TRPM7: variants seen among roughly 807,000 people sequenced by gnomAD.
The protein encoded by TRPM7 is transient receptor potential cation channel subfamily M member 7.
A neutral mutation model predicts 229.7 loss-of-function variants in TRPM7; 134 were observed. The ratio of observed to expected loss-of-function variants is 0.58; its 90% confidence interval spans 0.51 to 0.67. The LOEUF is 0.67. Among genes scored for constraint, TRPM7 ranks in the 30% least tolerant of loss-of-function variants. TRPM7 has a pLI of 0.00. For synonymous variants in TRPM7, 699 were observed against 715.2 expected (o/e 0.98, Z 0.36); for missense variants, 1,901 against 2,210.0 (o/e 0.86, Z 2.80).
At chr15:50,635,381 A>G (rs2060864215) in intron 7 of TRPM7, among the ~76,000 whole-genome samples, 1 of 150,566 alleles carries the variant, frequency 6.6e-6, no homozygotes. Flanking sequence ...GTTTGTAAAA[A>G]AGAAAAAAGA....
At chr15:50,656,488 T>C (rs2061575037) in intron 3 of TRPM7, among the ~76,000 whole-genome samples, 1 of 149,968 alleles carries the variant, frequency 6.7e-6, no homozygotes, top group African/African-American at 2.4e-5. Flanking sequence ...AAGATTTTTG[T>C]GTGTGGTTTT....
chr15:50,620,903 G>C (rs927397442), intron 12 of TRPM7, among the ~76,000 whole-genome samples: 1 of 151,362 alleles, frequency 6.6e-6, no homozygotes, highest in African/African-American at 2.4e-5. Flanking sequence ...TTGCACTCCA[G>C]TCTCAGCAAC....
At chr15:50,575,612 T>C (rs1382438242) in intron 33 of TRPM7, 112 bp downstream of exon 33, 1 of 910,502 alleles carries the variant, frequency 1.1e-6, no homozygotes, top group East Asian at 2.7e-5. Context: ...TAATCAAGAA[T>C]TTATTTGAAA....
rs2059526906 is a variant in TRPM7 at position 50,592,352 on chromosome 15, C to T, written c.3883G>A (p.Val1295Ile). The stretch of plus-strand genomic sequence containing the variant: ...GGAAGAGAGGAGCTAAGTGTATTTA[C>T]AACACCATGCTTTTTCCATACAGAA... Reference protein sequence around the residue: ...RPSVWKKHGVVNTLSSSLPQG... With the variant: ...RPSVWKKHGVINTLSSSLPQG... The change falls in exon 26 of 39, where the codon GTA becomes ATA. Residue 1295 changes from valine (V) to isoleucine (I), a missense_variant. Around this residue, in one of 8 missense-constraint regions of TRPM7, gnomAD observed 533 missense variants for 497.1 expected, o/e 1.07. Coordinates refer to ENST00000646667, the MANE Select transcript of TRPM7 (RefSeq NM_017672.6). 1.2e-6 allele frequency: 2 copies of T among 1,613,992 alleles called. No individual in the cohort carries two copies. The highest frequency in any genetic ancestry group is 1.3e-5 in the African/African-American group (1 of 74,920).
At chr15:50,587,817 T>C (rs1347465536) in intron 27 of TRPM7, among the ~76,000 whole-genome samples, 2 of 152,296 alleles carry the variant, frequency 1.3e-5, no homozygotes, top group East Asian at 3.9e-4. Context: ...TGAAAGTCCA[T>C]AAAACATTTC....
At chr15:50,642,509 G>T (rs1484979048) in intron 5 of TRPM7, among the ~76,000 whole-genome samples, 2 of 152,194 alleles carry the variant, frequency 1.3e-5, no homozygotes, top group East Asian at 3.8e-4. Context: ...CCCCAATGCT[G>T]TTCTGGTGAT....
At chr15:50,564,048 AC>A (rs1204626886) in intron 38 of TRPM7, among the ~76,000 whole-genome samples, 1 of 151,648 alleles carries the variant, frequency 6.6e-6, no homozygotes, top group African/African-American at 2.4e-5. Context: ...TTTAGTAGAG[AC>A]TGGTTTTTGC....
intron 1 of TRPM7, among the ~76,000 whole-genome samples, chr15:50,669,431 T>C (rs1341153070): frequency 1.3e-5 from 2 of 151,646 alleles, no homozygotes; most frequent in South Asian, 2.1e-4. Flanking sequence ...TGAGACTCTG[T>C]CTCAAAAAGA....
At chr15:50,595,493 T>C (rs552321184) in intron 23 of TRPM7, among the ~76,000 whole-genome samples, 6 of 151,796 alleles carry the variant, frequency 4.0e-5, no homozygotes, top group Middle Eastern at 6.8e-3. Flanking sequence ...CCATTAAAAA[T>C]AGACTGGAGA....
intron 4 of TRPM7, among the ~76,000 whole-genome samples, chr15:50,647,834 T>C (rs962199830): frequency 3.9e-5 from 6 of 152,216 alleles, no homozygotes; most frequent in Admixed American, 1.3e-4. Flanking sequence ...ATCAAATATA[T>C]TCAAGAAAAA....
At chr15:50,607,885 GAAA>G (rs758254672) in intron 19 of TRPM7, among the ~76,000 whole-genome samples, 6 of 109,214 alleles carry the variant, frequency 5.5e-5, no homozygotes, top group Admixed American at 9.7e-5. Flanking sequence ...CATCTCTACT[GAAA>G]AAAAAAAAAA....
At chr15:50,597,903 G>A (rs1372912630) in intron 22 of TRPM7, among the ~76,000 whole-genome samples, 1 of 151,706 alleles carries the variant, frequency 6.6e-6, no homozygotes, top group Non-Finnish European at 1.5e-5. Flanking sequence ...TGGGTGACAC[G>A]GTGAGACTCG....
At chr15:50,584,185 A>C (rs2054569150) in intron 28 of TRPM7, among the ~76,000 whole-genome samples, 1 of 152,250 alleles carries the variant, frequency 6.6e-6, no homozygotes, top group Non-Finnish European at 1.5e-5. Context: ...AGTACAACAA[A>C]GGATAACCTC....
chr15:50,631,388 T>G (rs1197098047), intron 10 of TRPM7, 29 bp downstream of exon 10: 2 of 1,457,822 alleles, frequency 1.4e-6, no homozygotes, highest in Admixed American at 3.6e-5. Flanking sequence ...TAAAAGGTCT[T>G]ACAAATAAAA....
chr15:50,615,122 C>T (rs2060184482), intron 13 of TRPM7, among the ~76,000 whole-genome samples: 2 of 139,024 alleles, frequency 1.4e-5, no homozygotes, highest in Non-Finnish European at 3.0e-5. Context: ...GAGATAGTGC[C>T]ACCGCATTCC....
intron 21 of TRPM7, 60 bp from the exon 22 acceptor site, chr15:50,599,356 C>T: frequency 7.9e-7 from 1 of 1,271,690 alleles, no homozygotes; most frequent in Admixed American, 2.4e-5. Flanking sequence ...ACAAATCTTT[C>T]TAAAAGCTTC....
chr15:50,611,433 C>A, intron 16 of TRPM7, 112 bp from the exon 17 acceptor site: 1 of 794,124 alleles, frequency 1.3e-6, no homozygotes, highest in Admixed American at 2.8e-5. Flanking sequence ...CACACACTTA[C>A]AGAATTATGA....
Position 50,594,588 on chromosome 15 carries a change from T to C in TRPM7, c.3316A>G (p.Ile1106Val), listed in dbSNP as rs1167517118. 1 of 1,602,636 alleles carries C rather than the reference T, an allele frequency of 6.2e-7. No homozygotes were observed. Among genetic ancestry groups the C allele is most frequent in the Non-Finnish European group, 8.5e-7 (1 of 1,176,240 alleles). The change falls in exon 24 of 39, where the codon ATT (isoleucine) becomes GTT (valine). Residue 1106 changes from isoleucine to valine, a missense_variant. Physicochemically the swap from Ile to Val is conservative, Grantham distance 29. This residue lies in a region of TRPM7 where 89 missense variants were observed against 178.2 expected (regional missense o/e 0.50). Transcript: ENST00000646667. ...TGGTACTTCCATACAATATTGGAAA[T>C]TGCCTTCACTTGTAAATACACATTG... Reference protein sequence around the residue: ...FNNVYLQVKAISNIVWKYQRY... With the variant: ...FNNVYLQVKAVSNIVWKYQRY...
At chr15:50,682,055 G>GT (rs2062250333) in intron 1 of TRPM7, among the ~76,000 whole-genome samples, 1 of 151,376 alleles carries the variant, frequency 6.6e-6, no homozygotes, top group Non-Finnish European at 1.5e-5. Context: ...GCAGGCACCT[G>GT]TAATCCCAGC....
Sources: gnomAD v4.1 joint callset for allele counts (sites outside exome capture counted in the v4.1 genomes callset) on GRCh38, gnomAD v4.1.1 for gene constraint, gnomAD v4.1.1 regional missense constraint, MANE v1.5 for transcripts, NCBI Gene and HGNC (gene_info 2026-07-23, HGNC 2026-07-21) for gene names.